The following LRP1B variants were observed in gnomAD, a reference collection of about 807,000 sequenced individuals.
The protein encoded by LRP1B is low-density lipoprotein receptor-related protein 1B.
Under a neutral mutation model 556.6 loss-of-function variants are expected in LRP1B, and 217 were observed. That is an observed-to-expected ratio of 0.39 (90% confidence interval 0.35 to 0.44). The LOEUF is 0.44. Ranked by LOEUF, LRP1B falls within the 20% of genes least tolerant of loss-of-function variation. The pLI is 1.00. For synonymous variants in LRP1B, 2,047 were observed against 1,865.8 expected (o/e 1.10, Z -2.50); for missense variants, 5,053 against 5,620.8 (o/e 0.90, Z 3.23).
chr2:140,748,441 A>T (rs201577651), intron 35 of LRP1B, among the ~76,000 whole-genome samples: 264 of 59,800 alleles, frequency 4.4e-3, no homozygotes, highest in South Asian at 0.014. Context: ...TTATATATAT[A>T]TTATATATAT....
intron 3 of LRP1B, among the ~76,000 whole-genome samples, chr2:141,326,862 C>T (rs1277617422): frequency 4.6e-5 from 7 of 152,122 alleles, no homozygotes; most frequent in Admixed American, 4.6e-4. Context: ...TTAGGCCCTA[C>T]AATAACATAT....
At chr2:142,052,275 C>G (rs1218800866) in intron 1 of LRP1B, among the ~76,000 whole-genome samples, 2 of 152,118 alleles carry the variant, frequency 1.3e-5, no homozygotes, top group East Asian at 3.9e-4. Flanking sequence ...AAACATTTTC[C>G]TCAAATCCCT....
At chr2:141,546,920 TA>T (rs1685576465) in intron 2 of LRP1B, among the ~76,000 whole-genome samples, 1 of 152,182 alleles carries the variant, frequency 6.6e-6, no homozygotes, top group African/African-American at 2.4e-5. Context: ...AACAAAGCAT[TA>T]TTTCATATTG....
At chr2:140,398,519 T>TTTGTTG (rs6146936) in intron 66 of LRP1B, among the ~76,000 whole-genome samples, 27 of 151,308 alleles carry the variant, frequency 1.8e-4, no homozygotes, top group South Asian at 4.2e-4. Context: ...TTCTTTCTCT[T>TTTGTTG]TTGTTGTTGT....
intron 1 of LRP1B, among the ~76,000 whole-genome samples, chr2:141,885,185 T>C (rs1467340411): frequency 3.3e-5 from 5 of 152,168 alleles, no homozygotes; most frequent in African/African-American, 1.2e-4. Context: ...CTGGTTCATT[T>C]TGGTGTAAGT....
chr2:140,385,588 G>A (rs919291370), intron 67 of LRP1B, among the ~76,000 whole-genome samples: 7 of 152,130 alleles, frequency 4.6e-5, no homozygotes, highest in African/African-American at 1.4e-4. Flanking sequence ...ACATCATTCA[G>A]CTCATTGTGT....
chr2:141,890,323 C>CATATATATATATATATATATATATAT (rs556472129), intron 1 of LRP1B, among the ~76,000 whole-genome samples: 9 of 83,814 alleles, frequency 1.1e-4, no homozygotes, highest in African/African-American at 3.5e-4. Flanking sequence ...GGGCACAATA[C>CATATATATATATATATATATATATAT]ATATATATAT....
intron 7 of LRP1B, among the ~76,000 whole-genome samples, chr2:141,109,692 G>A (rs1197358605): frequency 6.6e-6 from 1 of 151,472 alleles, no homozygotes; most frequent in Non-Finnish European, 1.5e-5. Context: ...TACTTTGGAG[G>A]ATAAGATCAA....
chr2:140,663,039 A>G (rs1685151594), intron 41 of LRP1B, among the ~76,000 whole-genome samples: 1 of 152,162 alleles, frequency 6.6e-6, no homozygotes, highest in Non-Finnish European at 1.5e-5. Context: ...TTTAAGTAAA[A>G]CAACATGTAG....
intron 2 of LRP1B, among the ~76,000 whole-genome samples, chr2:141,615,280 C>T (rs1360887045): frequency 6.6e-6 from 1 of 152,110 alleles, no homozygotes; most frequent in Non-Finnish European, 1.5e-5. Flanking sequence ...ATGAAAGAGA[C>T]AAGAAATAAA....
chr2:141,567,176 C>G (rs566395546), intron 2 of LRP1B, among the ~76,000 whole-genome samples: 1 of 152,138 alleles, frequency 6.6e-6, no homozygotes, highest in African/African-American at 2.4e-5. Flanking sequence ...CTTGACTATG[C>G]AATGGCATCA....
chr2:140,533,970 A>G, intron 47 of LRP1B, 51 bp downstream of exon 47: 2 of 1,602,474 alleles, frequency 1.2e-6, no homozygotes, highest in Non-Finnish European at 8.5e-7. Flanking sequence ...GGAAAAGTTC[A>G]GGAAACACTT....
At chr2:142,078,644 A>C (rs923584557) in intron 1 of LRP1B, among the ~76,000 whole-genome samples, 12 of 152,190 alleles carry the variant, frequency 7.9e-5, no homozygotes, top group Non-Finnish European at 1.5e-4. Flanking sequence ...CTTTAGAGTA[A>C]TATTAACAAA....
At chr2:140,417,828 C>T (rs1685265710) in intron 66 of LRP1B, among the ~76,000 whole-genome samples, 1 of 152,184 alleles carries the variant, frequency 6.6e-6, no homozygotes, top group Non-Finnish European at 1.5e-5. Flanking sequence ...AAATTATCAG[C>T]AATACATTAC....
At chr2:140,485,563 C>A (rs188416264) in intron 58 of LRP1B, 39 bp from the exon 59 acceptor site, 1 of 1,486,396 alleles carries the variant, frequency 6.7e-7, no homozygotes, top group Non-Finnish European at 9.2e-7. Flanking sequence ...AGCGTAAATC[C>A]CTAAAATAAG....
In LRP1B at chr2:140,601,551, G is replaced by A. The variant is rs2105198942; in HGVS notation, c.6888C>T (p.His2296=). 1 of 1,613,270 alleles carries A rather than the reference G, an allele frequency of 6.2e-7. No individual in the cohort carries two copies. Among genetic ancestry groups the A allele is most frequent in the Non-Finnish European group, 8.5e-7 (1 of 1,179,520 alleles). The part of the protein sequence containing the change: ...TSSTTSSITR[H]TVDQTRPGAF... ...CTCCAGGCCGAGTCTGGTCCACAGTGTGTCTGGTGATGGATGAGGTGGTAG... is the reference window on the plus strand; with the variant it reads ...CTCCAGGCCGAGTCTGGTCCACAGTATGTCTGGTGATGGATGAGGTGGTAG... Residue 2296 remains histidine, a synonymous_variant, in exon 42 of 91, where the codon CAC becomes CAT. Coordinates refer to ENST00000389484, the MANE Select transcript of LRP1B (RefSeq NM_018557.3).
At chr2:140,611,938 T>G (rs1056619185) in intron 41 of LRP1B, among the ~76,000 whole-genome samples, 1 of 152,120 alleles carries the variant, frequency 6.6e-6, no homozygotes, top group African/African-American at 2.4e-5. Context: ...CTTATTGAAA[T>G]GTACTATAAA....
chr2:141,071,885 C>A (rs1395421266), intron 7 of LRP1B, among the ~76,000 whole-genome samples: 3 of 152,166 alleles, frequency 2.0e-5, no homozygotes, highest in Non-Finnish European at 4.4e-5. Context: ...ACATTCCATG[C>A]TCATGGGTAG....
In LRP1B at chr2:140,848,021, T is replaced by A. The variant is rs575326924; in HGVS notation, c.4939+2081A>T. Among the ~76,000 whole-genome samples, 189 of 152,260 alleles carry A rather than the reference T, an allele frequency of 1.2e-3. 1 individual carries two copies. Among genetic ancestry groups the A allele is most frequent in the African/African-American group, 4.5e-3 (186 of 41,558 alleles). On this transcript the variant is annotated intron_variant, in intron 29 of 90. Transcript: ENST00000389484. ...CAGAAAATTGTCTCCTATTTTTTTTTAAGATATAACATCTTTTGCTCTTTA... is the reference window on the plus strand; with the variant it reads ...CAGAAAATTGTCTCCTATTTTTTTTAAAGATATAACATCTTTTGCTCTTTA...
Sources: allele counts gnomAD v4.1 joint callset (sites outside exome capture counted in the v4.1 genomes callset), GRCh38; gene constraint gnomAD v4.1.1; transcripts MANE v1.5; gene names NCBI Gene and HGNC (gene_info 2026-07-23, HGNC 2026-07-21).